CDH18: variants seen among roughly 807,000 people sequenced by gnomAD.
The protein encoded by CDH18 is cadherin 18, also known as cadherin-18.
CDH18 carries 31 observed loss-of-function variants against 67.9 expected under a neutral mutation model. The observed-to-expected ratio is 0.46, with a 90% CI of 0.34 to 0.62. The LOEUF is 0.62. Among genes scored for constraint, CDH18 ranks in the 20% least tolerant of loss-of-function variants. The pLI is 0.01. For missense variants in CDH18, 890 were observed against 975.5 expected, an observed-to-expected ratio of 0.91 and a Z score of 1.17; for synonymous variants, 362 against 347.2, an observed-to-expected ratio of 1.04 and a Z score of -0.48.
intron 1 of CDH18, among the ~76,000 whole-genome samples, chr5:19,984,769 T>C (rs1366780216): frequency 1.3e-5 from 2 of 152,232 alleles, no homozygotes; most frequent in Non-Finnish European, 2.9e-5. Flanking sequence ...CGTTAATCCA[T>C]GTCAGTATGC....
chr5:20,353,134 G>A (rs1741343596), intron 1 of CDH18, among the ~76,000 whole-genome samples: 1 of 151,996 alleles, frequency 6.6e-6, no homozygotes, highest in African/African-American at 2.4e-5. Flanking sequence ...TGCCTCCATT[G>A]GAATACATTT....
chr5:19,556,009 G>A (rs1580186274), intron 8 of CDH18, among the ~76,000 whole-genome samples: 1 of 152,248 alleles, frequency 6.6e-6, no homozygotes, highest in African/African-American at 2.4e-5. Context: ...GGTGGCTAGA[G>A]CTAGAGGAGA....
chr5:20,150,955 A>T (rs1379176489), intron 2 of CDH18, among the ~76,000 whole-genome samples: 1 of 151,994 alleles, frequency 6.6e-6, no homozygotes, highest in Non-Finnish European at 1.5e-5. Flanking sequence ...ATTCTTCTAC[A>T]TGTTGGCTTT....
intron 8 of CDH18, among the ~76,000 whole-genome samples, chr5:19,559,477 C>G (rs182032003): frequency 6.6e-6 from 1 of 151,978 alleles, no homozygotes; most frequent in South Asian, 2.1e-4. Context: ...ATCCAGCATC[C>G]TTTTATGGTT....
intron 11 of CDH18, among the ~76,000 whole-genome samples, chr5:19,488,286 A>G (rs551214744): frequency 6.6e-6 from 1 of 152,296 alleles, no homozygotes; most frequent in South Asian, 2.1e-4. Context: ...GTGTTTTTTG[A>G]AACTGAAATT....
intron 3 of CDH18, among the ~76,000 whole-genome samples, chr5:19,753,327 T>C (rs144096143): frequency 3.8e-4 from 58 of 152,200 alleles, no homozygotes; most frequent in Middle Eastern, 3.4e-3. Context: ...ATGAAATAGA[T>C]TGCATAAACA....
chr5:19,610,518 G>C (rs1048042577), intron 6 of CDH18, among the ~76,000 whole-genome samples: 11 of 151,960 alleles, frequency 7.2e-5, no homozygotes, highest in African/African-American at 2.7e-4. Context: ...AGTGGGAGAT[G>C]CTATATTTAC....
intron 8 of CDH18, among the ~76,000 whole-genome samples, chr5:19,562,457 A>T (rs971240490): frequency 6.6e-6 from 1 of 152,178 alleles, no homozygotes; most frequent in Non-Finnish European, 1.5e-5. Context: ...CAAACAAAAA[A>T]CAAAAAGAAG....
chr5:19,776,488 A>G (rs1452923304), intron 3 of CDH18, among the ~76,000 whole-genome samples: 3 of 152,172 alleles, frequency 2.0e-5, no homozygotes, highest in Non-Finnish European at 2.9e-5. Flanking sequence ...GGAAAGAAAG[A>G]GGGATGAATG....
chr5:20,239,249 G>A (rs1742706620), intron 2 of CDH18, among the ~76,000 whole-genome samples: 1 of 152,130 alleles, frequency 6.6e-6, no homozygotes, highest in East Asian at 1.9e-4. Flanking sequence ...GAGCTCAGGA[G>A]TTCAAGACCA....
chr5:20,091,321 TA>T (rs1028223280), intron 2 of CDH18, among the ~76,000 whole-genome samples: 43 of 143,408 alleles, frequency 3.0e-4, no homozygotes, highest in East Asian at 1.8e-3. Context: ...CTCATCTCTA[TA>T]AAAAAAAAAA....
At chr5:19,811,162 G>C (rs766139217) in intron 3 of CDH18, among the ~76,000 whole-genome samples, 6 of 6,802 alleles carry the variant, frequency 8.8e-4, no homozygotes, top group Non-Finnish European at 1.3e-3. Context: ...AAGAAAGAAG[G>C]AGAGAAAGAA....
chr5:20,401,847 T>A (rs1047345876), intron 1 of CDH18, among the ~76,000 whole-genome samples: 1 of 152,208 alleles, frequency 6.6e-6, no homozygotes, highest in Non-Finnish European at 1.5e-5. Context: ...TTGTTCATAT[T>A]GACCAGAGTG....
intron 2 of CDH18, among the ~76,000 whole-genome samples, chr5:20,207,765 A>C (rs1740025303): frequency 6.6e-6 from 1 of 152,078 alleles, no homozygotes; most frequent in Non-Finnish European, 1.5e-5. Flanking sequence ...CAATACCTAA[A>C]GCAATTTACA....
At chr5:19,705,615 G>C (rs753846534) in intron 5 of CDH18, among the ~76,000 whole-genome samples, 1 of 152,116 alleles carries the variant, frequency 6.6e-6, no homozygotes, top group African/African-American at 2.4e-5. Context: ...TCACCTACTG[G>C]TGTTATTGTT....
chr5:20,491,582 A>G (rs968997468), intron 1 of CDH18, among the ~76,000 whole-genome samples: 22 of 152,072 alleles, frequency 1.4e-4, no homozygotes, highest in African/African-American at 5.3e-4. Context: ...CTGGCTGGAG[A>G]CTCAGGAAGC....
chr5:19,632,731 T>C (rs566248599), intron 5 of CDH18, among the ~76,000 whole-genome samples: 1 of 152,356 alleles, frequency 6.6e-6, no homozygotes, highest in East Asian at 1.9e-4. Flanking sequence ...ATCCATATTA[T>C]GAGTTACAAA....
At chr5:20,030,547 T>C (rs536884962) in intron 2 of CDH18, among the ~76,000 whole-genome samples, 6 of 152,302 alleles carry the variant, frequency 3.9e-5, no homozygotes, top group African/African-American at 1.4e-4. Context: ...TTGGCCATGA[T>C]ACATTGTGAG....
intron 1 of CDH18, among the ~76,000 whole-genome samples, chr5:20,488,670 G>A (rs1561056143): frequency 2.7e-5 from 2 of 74,046 alleles, no homozygotes; most frequent in Non-Finnish European, 5.5e-5. Flanking sequence ...GAGGGGTAGT[G>A]TTTTATATAT....
Sources: allele counts gnomAD v4.1 joint callset (sites outside exome capture counted in the v4.1 genomes callset), GRCh38; gene constraint gnomAD v4.1.1; transcripts MANE v1.5; gene names NCBI Gene and HGNC (gene_info 2026-07-23, HGNC 2026-07-21).